The following DAGLB variants were observed in gnomAD, a reference collection of about 807,000 sequenced individuals.
DAGLB encodes the protein diacylglycerol lipase beta, also known as diacylglycerol lipase-beta.
A neutral mutation model predicts 72.1 loss-of-function variants in DAGLB; 66 were observed. That is an observed-to-expected ratio of 0.92 (90% CI 0.75 to 1.12). DAGLB has a LOEUF of 1.12. Ranked by LOEUF, DAGLB falls within the 50% of genes most tolerant of loss-of-function variation. The probability of loss-of-function intolerance (pLI) is 0.00; values close to 1 mark genes in which losing one functional copy is unlikely to be tolerated. For missense variants in DAGLB, 1,065 were observed against 884.9 expected, an observed-to-expected ratio of 1.20 and a Z score of -2.58; for synonymous variants, 414 against 359.5, an observed-to-expected ratio of 1.15 and a Z score of -1.71.
chr7:6,433,660 T>A (rs532889086), intron 4 of DAGLB, among the ~76,000 whole-genome samples: 4 of 152,210 alleles, frequency 2.6e-5, no homozygotes, highest in South Asian at 2.1e-4. Context: ...GCCAACATGG[T>A]GAAACCCTGT....
chr7:6,422,129 A>G (rs752252189), intron 8 of DAGLB: 23 of 397,742 alleles, frequency 5.8e-5, no homozygotes, highest in Non-Finnish European at 1.1e-4. Flanking sequence ...GTTCTGAACA[A>G]AGCCTGGTTC....
At position 6,445,809 on chromosome 7, in the gene DAGLB, T is replaced by C. The variant is rs556381234; in HGVS notation, c.247+144A>G. 40 of 913,616 alleles carry C rather than the reference T, an allele frequency of 4.4e-5. No individual in the cohort carries two copies. The East Asian group carries it at 1.1e-3, about 25-fold the overall frequency. 56.6% of individuals were successfully genotyped at this position (913,616 alleles called of 1,614,324 possible). ...AGTGAAGAAAATGGTATAAACTTGA[T>C]GATGGTGATGGCTGCACAACTCTGT... On this transcript the variant is annotated intron_variant, in intron 2 of 14. Transcript: ENST00000297056.
chr7:6,423,103 T>C (rs947747375), intron 8 of DAGLB, among the ~76,000 whole-genome samples: 2 of 151,880 alleles, frequency 1.3e-5, no homozygotes, highest in Non-Finnish European at 1.5e-5. Flanking sequence ...ATAGAAAAAA[T>C]TAGCTGGGTG....
intron 2 of DAGLB, among the ~76,000 whole-genome samples, chr7:6,444,074 C>G (rs1438157835): frequency 6.6e-6 from 1 of 151,948 alleles, no homozygotes; most frequent in African/African-American, 2.4e-5. Flanking sequence ...CAAGATCAGT[C>G]TAAGCTATAT....
intron 2 of DAGLB, among the ~76,000 whole-genome samples, chr7:6,444,723 A>G (rs1583304942): frequency 6.6e-6 from 1 of 152,368 alleles, no homozygotes; most frequent in South Asian, 2.1e-4. Flanking sequence ...AAGGATGCTC[A>G]ACATCATTAG....
At chr7:6,423,468 C>T (rs1010821012) in intron 8 of DAGLB, among the ~76,000 whole-genome samples, 2 of 152,088 alleles carry the variant, frequency 1.3e-5, no homozygotes, top group African/African-American at 4.8e-5. Flanking sequence ...TCTGTCGCCA[C>T]GCTGGAGTGC....
intron 5 of DAGLB, among the ~76,000 whole-genome samples, chr7:6,431,240 T>C (rs971824580): frequency 1.3e-5 from 2 of 151,944 alleles, no homozygotes; most frequent in Non-Finnish European, 2.9e-5. Context: ...TGTCAAGAAC[T>C]GAGTGGCTTA....
chr7:6,441,166 C>T (rs1289686063), intron 2 of DAGLB, among the ~76,000 whole-genome samples: 1 of 150,406 alleles, frequency 6.6e-6, no homozygotes, highest in African/African-American at 2.4e-5. Flanking sequence ...TCTCGGCTCA[C>T]TGCAAGCTCC....
At chr7:6,427,543 AGCTACTTGG>A (rs1784350931) in intron 6 of DAGLB, among the ~76,000 whole-genome samples, 1 of 152,220 alleles carries the variant, frequency 6.6e-6, no homozygotes, top group Non-Finnish European at 1.5e-5. Context: ...CTGTAGTCCC[AGCTACTTGG>A]GAGGCTGAGG....
intron 9 of DAGLB, chr7:6,417,869 T>A (rs916141499): frequency 1.3e-5 from 2 of 151,942 alleles, no homozygotes; most frequent in African/African-American, 4.8e-5. Flanking sequence ...ATTTATTTAT[T>A]TATGAATGAA....
intron 2 of DAGLB, among the ~76,000 whole-genome samples, chr7:6,441,989 G>C (rs960253718): frequency 6.6e-6 from 1 of 152,038 alleles, no homozygotes; most frequent in Non-Finnish European, 1.5e-5. Flanking sequence ...CTGTATGTCA[G>C]CTTGCCCTGC....
chr7:6,411,136 TG>T (rs1783714148), intron 13 of DAGLB, among the ~76,000 whole-genome samples: 1 of 151,938 alleles, frequency 6.6e-6, no homozygotes, highest in South Asian at 2.1e-4. Flanking sequence ...CCTCCCAAAG[TG>T]CTGGGATTAC....
At position 6,416,882 on chromosome 7, in the gene DAGLB, T is replaced by C; in HGVS notation, c.1258A>G (p.Ile420Val). 6.2e-7 allele frequency: 1 copy of C among 1,614,220 alleles called. No individual in the cohort carries two copies. Among genetic ancestry groups the C allele is most frequent in the Non-Finnish European group, 8.5e-7 (1 of 1,180,022 alleles). ...GCTTGGCTCAAAATCCCGTCGTTGA[T>C]GAGTCGTTGGTAAACGTATCTGGCA... ...QAARYVYQRL[I>V]NDGILSQAFS... The change falls in exon 10 of 15, where the codon ATC (isoleucine) becomes GTC (valine). Residue 420 changes from isoleucine (I) to valine (V), a missense_variant. Ile to Val is a conservative substitution (Grantham distance 29, BLOSUM62 3). Transcript: ENST00000297056.
At chr7:6,411,119 G>A (rs894525437) in intron 13 of DAGLB, among the ~76,000 whole-genome samples, 10 of 151,422 alleles carry the variant, frequency 6.6e-5, no homozygotes, top group Admixed American at 5.3e-4. Context: ...TGATCCACCC[G>A]CCTTGGCCTC....
intron 2 of DAGLB, among the ~76,000 whole-genome samples, chr7:6,438,281 C>T (rs975854954): frequency 6.6e-6 from 1 of 152,040 alleles, no homozygotes; most frequent in African/African-American, 2.4e-5. Context: ...AGCACACCAA[C>T]ATGGCACATG....
rs768224382 is a variant in DAGLB, at chr7:6,410,029, G to C, written c.1827C>G (p.Gly609=). The change falls in exon 15 of 15, where the codon GGC becomes GGG. Residue 609 remains glycine, a synonymous_variant. Transcript: ENST00000297056. Reference sequence around the variant, plus strand: ...CGCTATAGTGAGCAGCAGAGCAGCAGCCAAACCTGAAGCAGAAAAGGAGAG... The same window carrying C: ...CGCTATAGTGAGCAGCAGAGCAGCACCCAAACCTGAAGCAGAAAAGGAGAG... ...LQEEGASGRF[G]CCSAAHYSAK... The C allele has an allele frequency of 5.0e-6, 8 of 1,612,934 alleles. No individual in the cohort carries two copies. Among genetic ancestry groups the C allele is most frequent in the Non-Finnish European group, 6.8e-6 (8 of 1,179,218 alleles).
intron 11 of DAGLB, among the ~76,000 whole-genome samples, chr7:6,414,433 C>G (rs929826357): frequency 1.3e-5 from 2 of 152,036 alleles, no homozygotes; most frequent in Non-Finnish European, 2.9e-5. Context: ...CTGCCTCAGC[C>G]TCCCGGGTAG....
chr7:6,439,621 C>T (rs1290038477), intron 2 of DAGLB, among the ~76,000 whole-genome samples: 2 of 152,200 alleles, frequency 1.3e-5, no homozygotes, highest in Admixed American at 6.6e-5. Context: ...ATCAAAGCCA[C>T]ACATGGCACA....
intron 2 of DAGLB, among the ~76,000 whole-genome samples, chr7:6,444,373 G>A (rs1201586827): frequency 6.6e-6 from 1 of 152,176 alleles, no homozygotes; most frequent in Non-Finnish European, 1.5e-5. Context: ...AGGTCGAAGC[G>A]GGTGGATCAC....
Sources: allele counts gnomAD v4.1 joint callset (sites outside exome capture counted in the v4.1 genomes callset), GRCh38; gene constraint gnomAD v4.1.1; transcripts MANE v1.5; gene names NCBI Gene and HGNC (gene_info 2026-07-23, HGNC 2026-07-21).